Variants in DOCK9 observed in about 807,000 individuals in gnomAD.
The protein encoded by DOCK9 is dedicator of cytokinesis 9, also known as dedicator of cytokinesis protein 9.
In DOCK9, 89 loss-of-function variants were observed where a neutral mutation model predicts 263.3. The ratio of observed to expected loss-of-function variants is 0.34; its 90% CI spans 0.28 to 0.40. The LOEUF (loss-of-function observed/expected upper bound fraction) is 0.40. DOCK9 is among the 10% of genes least tolerant of loss of function. The pLI, the probability that DOCK9 is intolerant of heterozygous loss-of-function variation, is 1.00. For missense variants in DOCK9, 2,140 were observed against 2,603.4 expected (o/e 0.82, Z 3.87); for synonymous variants, 976 against 973.1 (o/e 1.00, Z -0.06).
intron 18 of DOCK9, among the ~76,000 whole-genome samples, chr13:98,887,143 A>ATATATT (rs1470080750): frequency 3.1e-5 from 3 of 95,262 alleles, no homozygotes; most frequent in African/African-American, 1.3e-4. Context: ...ATATATATAT[A>ATATATT]TTTTTTTTTT....
chr13:98,895,531 G>A (rs774277015), intron 15 of DOCK9, among the ~76,000 whole-genome samples: 1 of 151,678 alleles, frequency 6.6e-6, no homozygotes. Context: ...CAGGCGTAGT[G>A]GTGGGCGCCT....
chr13:98,865,176 C>T (rs2093987049), intron 30 of DOCK9, among the ~76,000 whole-genome samples: 1 of 152,176 alleles, frequency 6.6e-6, no homozygotes, highest in Admixed American at 6.5e-5. Flanking sequence ...AAGTCATCCT[C>T]CCACCTCAGC....
Position 98,900,822 on chromosome 13 carries a change from T to A in DOCK9, c.1503+956A>T, listed in dbSNP as rs1269030186. ...TCCAAAATCCATTTCTCAATGGCCA[T>A]CGTGCATCCTGTGGACACAGCTGTG... On this transcript the variant is annotated intron_variant, in intron 13 of 52. Transcript: ENST00000682017. Among the ~76,000 whole-genome samples, 8 of 152,270 alleles carry A rather than the reference T, an allele frequency of 5.3e-5. No homozygotes were observed. The South Asian group carries it at 1.7e-3, about 32-fold the overall frequency.
Position 98,888,427 on chromosome 13 carries a change from A to G in DOCK9, c.1910T>C (p.Ile637Thr). ...CIPKHTQPYT[I>T]YTNHLYVYPK... ...ATAAACGTAAAGGTGATTGGTGTAG[A>G]TGGTGTAAGGCTGAGTGTGTTTTGG... Residue 637 changes from isoleucine to threonine, a missense_variant, in exon 17 of 53, where the codon ATC becomes ACC. By Grantham distance (89) the Ile-to-Thr change is moderately conservative. Transcript: ENST00000682017. 1.2e-6 allele frequency: 2 copies of G among 1,614,034 alleles called. No individual in the cohort carries two copies. Among genetic ancestry groups the G allele is most frequent in the South Asian group, 2.2e-5 (2 of 91,084 alleles).
intron 1 of DOCK9, among the ~76,000 whole-genome samples, chr13:98,993,704 G>C (rs1318444435): frequency 6.6e-6 from 1 of 152,202 alleles, no homozygotes. Context: ...TTGCGTCACT[G>C]CACTCCAGCA....
In DOCK9 at chr13:98,894,746, GAGA is replaced by G. The variant is rs538184496; in HGVS notation, c.1709+2739_1709+2741del. 3.1e-3 allele frequency among the ~76,000 whole-genome samples: 473 copies of G among 151,718 alleles called. 3 individuals carry two copies. Among genetic ancestry groups the G allele is most frequent in the African/African-American group, 8.4e-3 (348 of 41,400 alleles). ...GATAATATATTACCCACTACCAATA[GAGA>G]AGATTTTTTTAAAGATTCTAACTGT... is the stretch of plus-strand genomic sequence containing the variant. On this transcript the variant is annotated intron_variant, in intron 15 of 52. Coordinates refer to ENST00000682017, the MANE Select transcript of DOCK9 (RefSeq NM_001366683.2).
chr13:98,894,339 T>A (rs768648271), intron 15 of DOCK9, among the ~76,000 whole-genome samples: 10 of 152,216 alleles, frequency 6.6e-5, no homozygotes, highest in Non-Finnish European at 1.3e-4. Context: ...AGGTGAAATA[T>A]CACCCATCAA....
intron 2 of DOCK9, among the ~76,000 whole-genome samples, chr13:98,945,831 T>C (rs1043959292): frequency 6.6e-6 from 1 of 152,180 alleles, no homozygotes. Context: ...CAAGAACATA[T>C]ACCAGTGTGA....
At chr13:99,018,918 G>A (rs1462682164) in intron 1 of DOCK9, among the ~76,000 whole-genome samples, 7 of 127,064 alleles carry the variant, frequency 5.5e-5, no homozygotes, top group Non-Finnish European at 6.8e-5. Flanking sequence ...TTGAGATGCA[G>A]GCCCAGGTCT....
At chr13:98,995,783 C>T (rs113222976) in intron 1 of DOCK9, among the ~76,000 whole-genome samples, 45,562 of 151,916 alleles carry the variant, frequency 0.3, 8,572 homozygotes, top group Non-Finnish European at 0.41. Context: ...CCACTGCGCC[C>T]GGCCGGAAGA....
intron 19 of DOCK9, 146 bp downstream of exon 19, chr13:98,886,386 T>C (rs1357486842): frequency 5.5e-6 from 3 of 548,750 alleles, no homozygotes; most frequent in South Asian, 3.4e-5. Flanking sequence ...TCAGAATATA[T>C]AAAAGAAATA....
At chr13:98,969,342 G>A (rs550633987) in intron 1 of DOCK9, among the ~76,000 whole-genome samples, 2 of 152,242 alleles carry the variant, frequency 1.3e-5, no homozygotes, top group East Asian at 1.9e-4. Flanking sequence ...AGGTGGAAGG[G>A]AGGCAAATGA....
intron 1 of DOCK9, among the ~76,000 whole-genome samples, chr13:99,076,233 C>T (rs570560448): frequency 6.6e-6 from 1 of 152,318 alleles, no homozygotes; most frequent in Non-Finnish European, 1.5e-5. Context: ...GAATGAAAAG[C>T]ACTCCCAGTG....
At chr13:98,826,793 CTAAT>C in intron 44 of DOCK9, 33 bp downstream of exon 44, 2 of 1,529,210 alleles carry the variant, frequency 1.3e-6, no homozygotes, top group Non-Finnish European at 1.8e-6. Context: ...TGGTTTTATA[CTAAT>C]TAATTTCACA....
chr13:99,000,875 TTAAG>T lies in DOCK9; in HGVS notation c.130-45328_130-45325del, dbSNP rs1196006533. ...TGAGGTCATTCACATGCAGAAACTGTTAAGTTCTGGCAGTGAAAAAAGATGAGTG... is the reference window on the plus strand; with the variant it reads ...TGAGGTCATTCACATGCAGAAACTGTTTCTGGCAGTGAAAAAAGATGAGTG... On this transcript the variant is annotated intron_variant, in intron 1 of 32. Coordinates refer to the DOCK9 transcript ENST00000427887. Among the ~76,000 whole-genome samples, 3 of 152,238 alleles carry T rather than the reference TTAAG, an allele frequency of 2.0e-5. No homozygotes were observed. In the East Asian group the frequency reaches 5.8e-4, roughly 29 times the overall value.
chr13:98,992,422 T>G (rs1334642851), intron 1 of DOCK9, among the ~76,000 whole-genome samples: 1 of 152,144 alleles, frequency 6.6e-6, no homozygotes, highest in East Asian at 1.9e-4. Context: ...TTCCCTTCAG[T>G]TGGGTAGGTC....
chr13:98,898,131 C>A, intron 14 of DOCK9, 48 bp downstream of exon 14: 1 of 1,351,892 alleles, frequency 7.4e-7, no homozygotes, highest in Non-Finnish European at 1.0e-6. Flanking sequence ...TTGACCCATC[C>A]ATGCACCTAT....
intron 3 of DOCK9, among the ~76,000 whole-genome samples, chr13:98,929,314 G>A (rs1211387763): frequency 6.6e-6 from 1 of 152,106 alleles, no homozygotes; most frequent in African/African-American, 2.4e-5. Context: ...AGGCCAAGGC[G>A]GGCAGATCAC....
At chr13:98,915,271 C>T (rs2050704039) in intron 8 of DOCK9, 58 bp downstream of exon 8, 2 of 1,550,158 alleles carry the variant, frequency 1.3e-6, no homozygotes, top group Non-Finnish European at 1.7e-6. Context: ...ACCCACCTGG[C>T]AAAAATAAAG....
Sources: gnomAD v4.1 joint callset for allele counts (sites outside exome capture counted in the v4.1 genomes callset) on GRCh38, gnomAD v4.1.1 for gene constraint, MANE v1.5 for transcripts, NCBI Gene and HGNC (gene_info 2026-07-23, HGNC 2026-07-21) for gene names.